IQCH: variants seen among roughly 807,000 people sequenced by gnomAD.
The protein encoded by IQCH is IQ motif containing H, also known as IQ domain-containing protein H.
In IQCH, 98 loss-of-function variants were observed where a neutral mutation model predicts 117.0. The ratio of observed to expected loss-of-function variants is 0.84; its 90% CI spans 0.71 to 0.99. The LOEUF (loss-of-function observed/expected upper bound fraction) is 0.99. Ranked by LOEUF, IQCH falls within the 50% of genes least tolerant of loss-of-function variation. The pLI is 0.00. For missense variants in IQCH, 1,102 were observed against 1,243.8 expected (o/e 0.89, Z 1.72); for synonymous variants, 412 against 448.2 (o/e 0.92, Z 1.02).
chr15:67,294,027 T>TA (rs1966839247), intron 4 of IQCH, among the ~76,000 whole-genome samples: 1 of 152,160 alleles, frequency 6.6e-6, no homozygotes, highest in South Asian at 2.1e-4. Flanking sequence ...AATGGTATAA[T>TA]AGAGTTTTGG....
intron 14 of IQCH, among the ~76,000 whole-genome samples, chr15:67,410,827 T>G (rs1490653318): frequency 6.6e-6 from 1 of 152,228 alleles, no homozygotes; most frequent in Non-Finnish European, 1.5e-5. Flanking sequence ...TAGCATCACC[T>G]GTGGATGATA....
chr15:67,481,237 T>C lies in IQCH; in HGVS notation c.2799+5419T>C, dbSNP rs943850366. Among the ~76,000 whole-genome samples the C allele has an allele frequency of 2.0e-5, 3 of 152,208 alleles. No homozygotes were observed. The highest frequency in any genetic ancestry group is 7.2e-5 in the African/African-American group (3 of 41,442). On this transcript the variant is annotated intron_variant, in intron 18 of 20. Transcript: ENST00000335894. The surrounding 1 kb of genome is among the most constrained non-coding windows in gnomAD (Gnocchi z 4.1). ...CTATAAAGAAATACCCAAGACTGGGTAATTTATAAAAGAAAGAGGTTTAAT... is the reference window on the plus strand; with the variant it reads ...CTATAAAGAAATACCCAAGACTGGGCAATTTATAAAAGAAAGAGGTTTAAT...
chr15:67,272,812 T>A (rs1403817818), intron 3 of IQCH, among the ~76,000 whole-genome samples: 3 of 152,212 alleles, frequency 2.0e-5, no homozygotes, highest in Non-Finnish European at 4.4e-5. Flanking sequence ...TCTTTATAGC[T>A]GAGGTGGGTT....
At chr15:67,375,296 G>A (rs1389601674) in intron 10 of IQCH, among the ~76,000 whole-genome samples, 6 of 152,052 alleles carry the variant, frequency 3.9e-5, no homozygotes, top group Non-Finnish European at 7.4e-5. Context: ...GCATGGTGGC[G>A]CAGGCCTGTA....
chr15:67,472,834 T>C lies in IQCH; in HGVS notation c.2677-2862T>C, dbSNP rs184196095. Reference sequence around the variant, plus strand: ...GTTGGGAGACATGTACCAAATATCCTGGCTCTTCCTTCAGATTCTTTATGC... The same window carrying C: ...GTTGGGAGACATGTACCAAATATCCCGGCTCTTCCTTCAGATTCTTTATGC... On this transcript the variant is annotated intron_variant, in intron 17 of 20. Coordinates refer to ENST00000335894, the MANE Select transcript of IQCH (RefSeq NM_001031715.3). This position sits in a 1 kb window ranked among gnomAD's most constrained non-coding sequence, Gnocchi z 4.3. Among the ~76,000 whole-genome samples the C allele has an allele frequency of 2.5e-4, 38 of 152,330 alleles. 1 individual carries two copies. The highest frequency in any genetic ancestry group is 3.4e-3 in the Middle Eastern group (1 of 294).
rs2082013777 is a variant in IQCH at position 67,431,258 on chromosome 15, A to G, written c.2505+9681A>G. ...CATATAAAAGTCTCTAAACAAATAG[A>G]TTGGCAAAGATGCTCTATATGAAAA... On this transcript the variant is annotated intron_variant, in intron 16 of 20. Coordinates refer to ENST00000335894, the MANE Select transcript of IQCH (RefSeq NM_001031715.3). The surrounding 1 kb of genome is among the most constrained non-coding windows in gnomAD (Gnocchi z 4.8). Among the ~76,000 whole-genome samples the G allele has an allele frequency of 6.6e-6, 1 of 152,210 alleles. No individual in the cohort carries two copies. The highest frequency in any genetic ancestry group is 1.5e-5 in the Non-Finnish European group (1 of 68,038).
intron 19 of IQCH, among the ~76,000 whole-genome samples, chr15:67,492,296 G>C (rs202094494): frequency 6.6e-6 from 1 of 152,194 alleles, no homozygotes; most frequent in African/African-American, 2.4e-5. Flanking sequence ...CTAGAGATAT[G>C]AACTGTGTCT....
intron 20 of IQCH, among the ~76,000 whole-genome samples, chr15:67,498,379 G>T (rs967259773): frequency 6.6e-6 from 1 of 152,098 alleles, no homozygotes; most frequent in Non-Finnish European, 1.5e-5. Context: ...ACTTTGGGAG[G>T]CCGAGGCAGG....
In IQCH at chr15:67,496,113, T is replaced by C. The variant is rs1042030854; in HGVS notation, c.2970+1747T>C. Among the ~76,000 whole-genome samples, 6 of 152,054 alleles carry C rather than the reference T, an allele frequency of 3.9e-5. No individual in the cohort carries two copies. The highest frequency in any genetic ancestry group is 3.9e-4 in the Admixed American group (6 of 15,264). ...GGGCAGATTGCTTGATCCCAGGAGT[T>C]CAAGACCAGCCTGGGCAACATGGTG... On this transcript the variant is annotated intron_variant, in intron 20 of 20. Transcript: ENST00000335894. The surrounding 1 kb of genome is among the most constrained non-coding windows in gnomAD (Gnocchi z 4.4).
At chr15:67,279,575 G>T in intron 4 of IQCH, 63 bp downstream of exon 4, 1 of 905,602 alleles carries the variant, frequency 1.1e-6, no homozygotes, top group Non-Finnish European at 1.8e-6. Context: ...GCTGGGAGGA[G>T]CAGAGACTAG....
In IQCH at chr15:67,384,308, A is replaced by G. The variant is rs771880307; in HGVS notation, c.1373-628A>G. 1.3e-4 allele frequency among the ~76,000 whole-genome samples: 20 copies of G among 152,112 alleles called. No homozygotes were observed. Among genetic ancestry groups the G allele is most frequent in the Admixed American group, 4.6e-4 (7 of 15,270 alleles). The stretch of plus-strand genomic sequence containing the variant: ...AGATTTTTGGACAATAGTAATTCAT[A>G]TGTGTTTTCCCTTCTGCTACGTTTC... On this transcript the variant is annotated intron_variant, in intron 10 of 20. Transcript: ENST00000335894. This position sits in a 1 kb window ranked among gnomAD's most constrained non-coding sequence, Gnocchi z 4.3.
chr15:67,276,120 A>T (rs892775222), intron 3 of IQCH, among the ~76,000 whole-genome samples: 1 of 152,224 alleles, frequency 6.6e-6, no homozygotes, highest in Non-Finnish European at 1.5e-5. Context: ...CTGACATGGA[A>T]AATTTCTCAA....
chr15:67,303,445 T>A (rs1225053060), intron 4 of IQCH, among the ~76,000 whole-genome samples: 3 of 152,174 alleles, frequency 2.0e-5, no homozygotes, highest in Non-Finnish European at 4.4e-5. Flanking sequence ...TATATTACAA[T>A]TTTTAAAATC....
intron 4 of IQCH, chr15:67,306,798 A>G: frequency 6.7e-7 from 1 of 1,496,272 alleles, no homozygotes; most frequent in Non-Finnish European, 9.0e-7. Context: ...CCAAATAGTA[A>G]CAAACAACCT....
At chr15:67,399,229 T>G (rs994914540) in intron 13 of IQCH, among the ~76,000 whole-genome samples, 1 of 152,176 alleles carries the variant, frequency 6.6e-6, no homozygotes, top group African/African-American at 2.4e-5. Context: ...GGAAAGTTAT[T>G]TAAATTAGCA....
At chr15:67,360,693 C>G (rs934769663) in intron 8 of IQCH, among the ~76,000 whole-genome samples, 2 of 152,226 alleles carry the variant, frequency 1.3e-5, no homozygotes, top group African/African-American at 4.8e-5. Flanking sequence ...TCTTGGGGAT[C>G]TCTTATCAGT....
intron 1 of IQCH, among the ~76,000 whole-genome samples, chr15:67,258,290 G>A (rs538815265): frequency 6.6e-6 from 1 of 151,990 alleles, no homozygotes; most frequent in South Asian, 2.1e-4. Flanking sequence ...AGCACTTTAG[G>A]AGGCCGAGGC....
chr15:67,338,327 C>T (rs909074300), intron 5 of IQCH, among the ~76,000 whole-genome samples: 1 of 151,952 alleles, frequency 6.6e-6, no homozygotes, highest in African/African-American at 2.4e-5. Context: ...GCAACTTCAT[C>T]CAGAAAAAAA....
At chr15:67,360,872 G>A (rs1341358016) in intron 8 of IQCH, among the ~76,000 whole-genome samples, 1 of 152,206 alleles carries the variant, frequency 6.6e-6, no homozygotes, top group Non-Finnish European at 1.5e-5. Context: ...ACTAATCCGT[G>A]CAATTAGATC....
Sources: gnomAD v4.1 joint callset for allele counts (sites outside exome capture counted in the v4.1 genomes callset) on GRCh38, gnomAD v4.1.1 for gene constraint, Gnocchi (gnomAD v3.1) non-coding constraint, MANE v1.5 for transcripts, NCBI Gene and HGNC (gene_info 2026-07-23, HGNC 2026-07-21) for gene names.